PXMP4: variants seen among roughly 807,000 people sequenced by gnomAD.
PXMP4 encodes peroxisomal membrane protein 4, also known as 24 kDa peroxisomal intrinsic membrane protein.
A neutral mutation model predicts 21.6 loss-of-function variants in PXMP4; 16 were observed. That is an observed-to-expected ratio of 0.74 (90% CI 0.50 to 1.13). The LOEUF (loss-of-function observed/expected upper bound fraction) is 1.13. PXMP4 is among the 50% of genes most tolerant of loss of function. PXMP4 has a pLI of 0.00. For synonymous variants in PXMP4, 127 were observed against 123.8 expected, an observed-to-expected ratio of 1.03 and a Z score of -0.17; for missense variants, 240 against 277.7, an observed-to-expected ratio of 0.86 and a Z score of 0.96.
chr20:33,708,219 G>A (rs950630514), intron 3 of PXMP4, among the ~76,000 whole-genome samples: 18 of 147,714 alleles, frequency 1.2e-4, no homozygotes, highest in Non-Finnish European at 1.9e-4. Context: ...ATCTGGCTCT[G>A]TCGGCTAGGC....
intron 1 of PXMP4, among the ~76,000 whole-genome samples, chr20:33,718,361 AT>A (rs1239388126): frequency 6.6e-6 from 1 of 151,770 alleles, no homozygotes; most frequent in Non-Finnish European, 1.5e-5. Flanking sequence ...ATACAAAAAA[AT>A]TAGCCGGGCG....
intron 1 of PXMP4, among the ~76,000 whole-genome samples, chr20:33,717,382 T>A (rs532503617): frequency 6.6e-6 from 1 of 152,064 alleles, no homozygotes; most frequent in African/African-American, 2.4e-5. Flanking sequence ...GGCTCACGCC[T>A]GTAATCCCAG....
chr20:33,705,454 A>T lies in PXMP4; in HGVS notation c.*2252T>A. ...ATCTCTACTAAAAATACAAAAAATT[A>T]GCCGGGTGTGGTGGCGGGCACCTGT... On this transcript the variant is annotated 3_prime_UTR_variant, in exon 4 of 4. Transcript: ENST00000409299. The T allele has an allele frequency of 6.6e-6, 1 of 152,034 alleles. No homozygotes were observed. Among genetic ancestry groups the T allele is most frequent in the South Asian group, 2.1e-4 (1 of 4,808 alleles). 9.4% of individuals were successfully genotyped at this position (152,034 alleles called of 1,614,324 possible).
chr20:33,715,397 A>G (rs1228640185), intron 1 of PXMP4, among the ~76,000 whole-genome samples: 1 of 151,200 alleles, frequency 6.6e-6, no homozygotes, highest in African/African-American at 2.4e-5. Context: ...CACCTCAAAA[A>G]GGGATGTTAA....
chr20:33,712,426 A>G (rs1208181179), intron 2 of PXMP4, among the ~76,000 whole-genome samples: 2 of 150,084 alleles, frequency 1.3e-5, no homozygotes, highest in South Asian at 2.1e-4. Context: ...CCCCACACCA[A>G]TCTGTTCTTA....
Position 33,707,759 on chromosome 20 carries a change from A to G in PXMP4, c.586T>C (p.Trp196Arg). The change falls in exon 4 of 4, where the codon TGG (tryptophan) becomes CGG (arginine). Residue 196 changes from tryptophan (W) to arginine (R), a missense_variant. Physicochemically the swap from Trp to Arg is moderately radical, Grantham distance 101 (BLOSUM62 -3). Coordinates refer to ENST00000409299, the MANE Select transcript of PXMP4 (RefSeq NM_007238.5). ...MTYLYEDSNV[W>R]HDISDFLVYN... ...ACGAGGAAGTCTGAGATGTCGTGCCATACATTGCTGTCCTCATAGAGGTAG... is the reference window on the plus strand; with the variant it reads ...ACGAGGAAGTCTGAGATGTCGTGCCGTACATTGCTGTCCTCATAGAGGTAG... 1.2e-6 allele frequency: 2 copies of G among 1,614,188 alleles called. No homozygotes were observed. Among genetic ancestry groups the G allele is most frequent in the Non-Finnish European group, 1.7e-6 (2 of 1,180,042 alleles).
At position 33,704,761 on chromosome 20, in the gene PXMP4, G is replaced by A. The variant is rs1220862279; in HGVS notation, c.*2945C>T. The A allele has an allele frequency of 2.6e-5, 4 of 152,148 alleles. No individual in the cohort carries two copies. Among genetic ancestry groups the A allele is most frequent in the African/African-American group, 4.8e-5 (2 of 41,424 alleles). The allele number at this position is 152,148 out of a possible 1,614,324, so 9.4% of individuals were successfully genotyped here. On this transcript the variant is annotated 3_prime_UTR_variant, in exon 4 of 4. Transcript: ENST00000409299. ...CACCACTGGCAGCACCAGGGAGCCTGGGAGAAATGCAGACTCTCAGGCCCC... is the reference window on the plus strand; with the variant it reads ...CACCACTGGCAGCACCAGGGAGCCTAGGAGAAATGCAGACTCTCAGGCCCC...
At position 33,707,411 on chromosome 20, in the gene PXMP4, C is replaced by T. The variant is rs1386573486; in HGVS notation, c.*295G>A. On this transcript the variant is annotated 3_prime_UTR_variant, in exon 4 of 4. Transcript: ENST00000409299. Reference sequence around the variant, plus strand: ...ACCGGAAAGAGACCTCAGGGCCCTCCTCTGAGCTCCTTGACCCCTGAGGCC... The same window carrying T: ...ACCGGAAAGAGACCTCAGGGCCCTCTTCTGAGCTCCTTGACCCCTGAGGCC... The T allele has an allele frequency of 8.3e-6, 3 of 362,122 alleles. No homozygotes were observed. The highest frequency in any genetic ancestry group is 6.1e-5 in the African/African-American group (3 of 48,792). The allele number at this position is 362,122 out of a possible 1,614,324, so 22.4% of individuals were successfully genotyped here. A position where few individuals can be genotyped will look rare whatever the true frequency, so the allele number is the denominator to read the frequency against.
chr20:33,716,519 A>C (rs1293551381), intron 1 of PXMP4, among the ~76,000 whole-genome samples: 1 of 152,156 alleles, frequency 6.6e-6, no homozygotes, highest in Non-Finnish European at 1.5e-5. Context: ...ATTGCCACAG[A>C]TCCCAAAACT....
intron 1 of PXMP4, among the ~76,000 whole-genome samples, chr20:33,719,310 C>G (rs780714758): frequency 6.6e-6 from 1 of 152,212 alleles, no homozygotes; most frequent in Non-Finnish European, 1.5e-5. Flanking sequence ...CCAGATCACA[C>G]GGGTAGGTGG....
chr20:33,717,639 CAA>C (rs10666719), intron 1 of PXMP4, among the ~76,000 whole-genome samples: 6 of 56,582 alleles, frequency 1.1e-4, no homozygotes, highest in Admixed American at 2.2e-4. Context: ...GACTCCGTCT[CAA>C]AAAAAAAAAA....
chr20:33,710,149 C>A (rs1279646068), intron 3 of PXMP4, among the ~76,000 whole-genome samples: 18 of 142,654 alleles, frequency 1.3e-4, no homozygotes, highest in South Asian at 2.4e-4. Context: ...CACCTCTATC[C>A]AGAACCACGC....
chr20:33,714,401 C>T (rs758004982), intron 2 of PXMP4, among the ~76,000 whole-genome samples: 21 of 152,002 alleles, frequency 1.4e-4, no homozygotes, highest in Non-Finnish European at 2.9e-4. Flanking sequence ...TGCCTATAGT[C>T]CCAGCTACTC....
At chr20:33,717,517 G>T (rs980215601) in intron 1 of PXMP4, among the ~76,000 whole-genome samples, 2 of 148,790 alleles carry the variant, frequency 1.3e-5, no homozygotes, top group Non-Finnish European at 3.0e-5. Flanking sequence ...GCGGGCGCCT[G>T]TAGTCCCAGC....
At chr20:33,716,587 T>C (rs1216259449) in intron 1 of PXMP4, among the ~76,000 whole-genome samples, 3 of 152,226 alleles carry the variant, frequency 2.0e-5, no homozygotes, top group Admixed American at 6.5e-5. Flanking sequence ...ATTTATTCTA[T>C]TATAATGATC....
At chr20:33,718,992 T>A (rs1320726835) in intron 1 of PXMP4, among the ~76,000 whole-genome samples, 1 of 151,990 alleles carries the variant, frequency 6.6e-6, no homozygotes, top group African/African-American at 2.4e-5. Flanking sequence ...ACCTCCTGGG[T>A]TCAAGCGGTT....
chr20:33,715,138 G>A (rs1417558519), intron 1 of PXMP4, among the ~76,000 whole-genome samples: 1 of 151,982 alleles, frequency 6.6e-6, no homozygotes, highest in African/African-American at 2.4e-5. Flanking sequence ...CATAAAAAGG[G>A]ATGTTTTTTG....
intron 1 of PXMP4, among the ~76,000 whole-genome samples, chr20:33,715,148 GT>G (rs1047870054): frequency 1.1e-4 from 17 of 151,980 alleles, no homozygotes; most frequent in African/African-American, 3.9e-4. Flanking sequence ...GATGTTTTTT[GT>G]TTGTTTTTTG....
chr20:33,714,839 A>G (rs2018367775), intron 1 of PXMP4, 103 bp from the exon 2 acceptor site: 6 of 1,134,076 alleles, frequency 5.3e-6, no homozygotes, highest in East Asian at 2.4e-5. Context: ...CCCAAATTCT[A>G]ACACCACTTT....
Sources: gnomAD v4.1 joint callset for allele counts (sites outside exome capture counted in the v4.1 genomes callset) on GRCh38, gnomAD v4.1.1 for gene constraint, MANE v1.5 for transcripts, NCBI Gene and HGNC (gene_info 2026-07-23, HGNC 2026-07-21) for gene names.